Variants in IL1RAPL1 observed in about 807,000 individuals in gnomAD.
IL1RAPL1 encodes the protein interleukin 1 receptor accessory protein like 1.
In IL1RAPL1, 3 loss-of-function variants were observed where a neutral mutation model predicts 48.4. The observed-to-expected ratio is 0.06, with a 90% CI of 0.03 to 0.16. The LOEUF (loss-of-function observed/expected upper bound fraction) is 0.16. IL1RAPL1 is among the 10% of genes least tolerant of loss of function. The probability of loss-of-function intolerance (pLI) is 1.00; values close to 1 mark genes in which losing one functional copy is unlikely to be tolerated. For missense variants in IL1RAPL1, 349 were observed against 530.6 expected (o/e 0.66, Z 3.36); for synonymous variants, 185 against 187.7 (o/e 0.99, Z 0.12).
chrX:28,724,258 C>A (rs1454797893), intron 1 of IL1RAPL1, among the ~76,000 whole-genome samples: 1 of 110,822 alleles, frequency 9.0e-6, no homozygotes, highest in African/African-American at 3.3e-5. Flanking sequence ...TAAGGACTTG[C>A]TTTATGAATC....
At chrX:29,563,914 T>C (rs1434879622) in intron 5 of IL1RAPL1, among the ~76,000 whole-genome samples, 2 of 112,222 alleles carry the variant, frequency 1.8e-5, no homozygotes, top group African/African-American at 6.5e-5. Context: ...TCATGATATA[T>C]GTATTTTTTT....
chrX:28,763,862 C>T (rs899737880), intron 1 of IL1RAPL1, among the ~76,000 whole-genome samples: 1 of 111,032 alleles, frequency 9.0e-6, no homozygotes, highest in African/African-American at 3.3e-5. Context: ...ATCTGTTCAA[C>T]ACCAGAGGAA....
chrX:29,393,799 A>G (rs762478070), intron 3 of IL1RAPL1, among the ~76,000 whole-genome samples: 2 of 110,181 alleles, frequency 1.8e-5, no homozygotes, highest in African/African-American at 6.6e-5. Context: ...GCATATTTGA[A>G]TGTGCCCTAA....
chrX:29,311,850 A>G (rs936031050), intron 3 of IL1RAPL1, among the ~76,000 whole-genome samples: 7 of 111,939 alleles, frequency 6.3e-5, no homozygotes, highest in Admixed American at 1.9e-4. Flanking sequence ...AAGGAATAAG[A>G]TGTTTAAGGC....
intron 6 of IL1RAPL1, among the ~76,000 whole-genome samples, chrX:29,761,359 T>C (rs5928323): frequency 0.21 from 23,340 of 110,328 alleles, 2,170 homozygotes; most frequent in South Asian, 0.37. Flanking sequence ...CAAAGAAACC[T>C]TTAATTGTAG....
intron 2 of IL1RAPL1, among the ~76,000 whole-genome samples, chrX:29,086,358 T>G (rs183923380): frequency 1.5e-4 from 17 of 112,274 alleles, no homozygotes; most frequent in Admixed American, 1.5e-3. Flanking sequence ...AAAGAGTAAG[T>G]TATGAAGCCA....
intron 6 of IL1RAPL1, among the ~76,000 whole-genome samples, chrX:29,863,546 G>A (rs1931633023): frequency 9.0e-6 from 1 of 111,621 alleles, no homozygotes; most frequent in South Asian, 3.7e-4. Flanking sequence ...GACTTCATAG[G>A]CTATAGAAGG....
chrX:28,930,384 AC>A (rs747811804), intron 2 of IL1RAPL1, among the ~76,000 whole-genome samples: 1,148 of 112,138 alleles, frequency 0.01, 13 homozygotes, highest in Non-Finnish European at 0.017. Context: ...TCTCTAAAAT[AC>A]ATCTTGTCTT....
intron 2 of IL1RAPL1, among the ~76,000 whole-genome samples, chrX:29,181,723 G>A (rs1443660785): frequency 9.0e-6 from 1 of 111,537 alleles, no homozygotes; most frequent in Non-Finnish European, 1.9e-5. Flanking sequence ...ATAAAGGATG[G>A]CAATTATATT....
chrX:29,261,012 T>C (rs1931849204), intron 2 of IL1RAPL1, among the ~76,000 whole-genome samples: 1 of 108,193 alleles, frequency 9.2e-6, no homozygotes, highest in Admixed American at 1.0e-4. Context: ...TTATATATAA[T>C]AAATATAGTA....
chrX:29,950,455 C>G (rs1360180044), intron 9 of IL1RAPL1, among the ~76,000 whole-genome samples: 1 of 111,459 alleles, frequency 9.0e-6, no homozygotes, highest in Non-Finnish European at 1.9e-5. Context: ...CTCTGCATGC[C>G]TATATCCTGT....
chrX:29,215,758 A>G (rs1318379902), intron 2 of IL1RAPL1, among the ~76,000 whole-genome samples: 2 of 112,129 alleles, frequency 1.8e-5, no homozygotes, highest in African/African-American at 6.5e-5. Context: ...TAGAGGATCA[A>G]AATTAGATCA....
At chrX:29,930,570 G>A (rs1290195159) in intron 8 of IL1RAPL1, among the ~76,000 whole-genome samples, 1 of 111,766 alleles carries the variant, frequency 8.9e-6, no homozygotes, top group Admixed American at 9.5e-5. Flanking sequence ...GATTCCATGT[G>A]ATCTTTAATT....
At chrX:29,082,952 A>G (rs1927875419) in intron 2 of IL1RAPL1, among the ~76,000 whole-genome samples, 1 of 111,888 alleles carries the variant, frequency 8.9e-6, no homozygotes, top group Admixed American at 9.5e-5. Context: ...ATATATATAT[A>G]TTTCTTTTAA....
At chrX:28,877,550 C>T (rs1421454213) in intron 2 of IL1RAPL1, among the ~76,000 whole-genome samples, 1 of 112,308 alleles carries the variant, frequency 8.9e-6, no homozygotes, top group Non-Finnish European at 1.9e-5. Context: ...ATATATGATT[C>T]ACCAAAATAA....
At chrX:28,595,332 G>A (rs1165541798) in intron 1 of IL1RAPL1, among the ~76,000 whole-genome samples, 2 of 112,397 alleles carry the variant, frequency 1.8e-5, no homozygotes, top group African/African-American at 6.5e-5. Flanking sequence ...TTGTTGAAAT[G>A]TTTGACAAAT....
At chrX:29,142,119 T>C (rs1484140419) in intron 2 of IL1RAPL1, among the ~76,000 whole-genome samples, 1 of 112,150 alleles carries the variant, frequency 8.9e-6, no homozygotes, top group East Asian at 2.8e-4. Context: ...TATGGATGAA[T>C]AGCATGAAAC....
chrX:29,344,967 C>A (rs933593118), intron 3 of IL1RAPL1, among the ~76,000 whole-genome samples: 5 of 112,824 alleles, frequency 4.4e-5, no homozygotes, highest in Non-Finnish European at 9.4e-5. Flanking sequence ...CACGACCAAT[C>A]AGACATTTTT....
intron 3 of IL1RAPL1, among the ~76,000 whole-genome samples, chrX:29,384,112 C>T (rs773229077): frequency 1.8e-5 from 2 of 112,244 alleles, no homozygotes; most frequent in East Asian, 2.8e-4. Flanking sequence ...CCCTAAGCTA[C>T]TGTATTGGCC....
Sources: gnomAD v4.1 joint callset for allele counts (sites outside exome capture counted in the v4.1 genomes callset) on GRCh38, gnomAD v4.1.1 for gene constraint, MANE v1.5 for transcripts, NCBI Gene and HGNC (gene_info 2026-07-23, HGNC 2026-07-21) for gene names.